Variants in SYNJ2 observed in about 807,000 individuals in gnomAD.
SYNJ2 encodes synaptojanin 2, also known as polyphosphatidylinositol phosphatase SYNJ2.
SYNJ2 carries 116 observed loss-of-function variants against 141.3 expected under a neutral mutation model. That is an observed-to-expected ratio of 0.82 (90% confidence interval 0.71 to 0.96). SYNJ2 has a LOEUF of 0.96. Among genes scored for constraint, SYNJ2 ranks in the 40% least tolerant of loss-of-function variants. SYNJ2 has a pLI of 0.00. For missense variants in SYNJ2, 1,873 were observed against 1,934.8 expected, an observed-to-expected ratio of 0.97 and a Z score of 0.60; for synonymous variants, 745 against 777.7, an observed-to-expected ratio of 0.96 and a Z score of 0.70.
At chr6:157,999,692 T>C (rs1265291211) in intron 1 of SYNJ2, among the ~76,000 whole-genome samples, 1 of 152,094 alleles carries the variant, frequency 6.6e-6, no homozygotes, top group African/African-American at 2.4e-5. Context: ...AGGTGGTGGG[T>C]AAGGCATCCT....
In SYNJ2 at chr6:158,005,668, A is replaced by G. The variant is rs559301374; in HGVS notation, c.128-11536A>G. 4.6e-5 allele frequency among the ~76,000 whole-genome samples: 7 copies of G among 152,182 alleles called. No homozygotes were observed. In the East Asian group the frequency reaches 1.4e-3, roughly 29 times the overall value. ...CCATCAGGTCACAACCCCTGAGCCA[A>G]GGTGGGCCTTTCACTTGCGTTTCTG... On this transcript the variant is annotated intron_variant, in intron 1 of 26. Transcript: ENST00000355585.
At chr6:157,983,870 T>G (rs1562304305) in intron 1 of SYNJ2, among the ~76,000 whole-genome samples, 4 of 152,092 alleles carry the variant, frequency 2.6e-5, no homozygotes, top group South Asian at 2.1e-4. Flanking sequence ...TTCTGTTGCC[T>G]AGGCTGGCAT....
chr6:158,009,256 T>C (rs1245983852), intron 1 of SYNJ2, among the ~76,000 whole-genome samples: 6 of 152,230 alleles, frequency 3.9e-5, no homozygotes, highest in African/African-American at 1.2e-4. Flanking sequence ...TTATCTATCC[T>C]GGCAGGAAGC....
In SYNJ2 at chr6:157,982,283, C is replaced by T. The variant is rs1191100597; in HGVS notation, c.127+195C>T. On this transcript the variant is annotated intron_variant, in intron 1 of 26. Coordinates refer to ENST00000355585, the MANE Select transcript of SYNJ2 (RefSeq NM_003898.4). This position sits in a 1 kb window ranked among gnomAD's most constrained non-coding sequence, Gnocchi z 4.0. The stretch of plus-strand genomic sequence containing the variant: ...ACTCGAGAGAGCACTCTGGCTGGGC[C>T]GGTGGCGCACGGAGGCCGGCCGCCC... Among the ~76,000 whole-genome samples, 1 of 152,168 alleles carries T rather than the reference C, an allele frequency of 6.6e-6. No individual in the cohort carries two copies. Among genetic ancestry groups the T allele is most frequent in the Non-Finnish European group, 1.5e-5 (1 of 68,000 alleles).
chr6:158,000,263 C>A (rs34890455), intron 1 of SYNJ2, among the ~76,000 whole-genome samples: 1 of 152,014 alleles, frequency 6.6e-6, no homozygotes, highest in Non-Finnish European at 1.5e-5. Flanking sequence ...GACAGGGCCT[C>A]TGTACGTAAG....
At chr6:158,047,693 C>A (rs1383813654) in intron 5 of SYNJ2, among the ~76,000 whole-genome samples, 1 of 141,048 alleles carries the variant, frequency 7.1e-6, no homozygotes, top group Non-Finnish European at 1.5e-5. Context: ...AGGAGAATCA[C>A]TTGAACCTGG....
At chr6:158,012,562 A>G (rs1050275009) in intron 1 of SYNJ2, among the ~76,000 whole-genome samples, 1 of 152,270 alleles carries the variant, frequency 6.6e-6, no homozygotes. Context: ...TTCGGAGCAG[A>G]TGCAGACCTG....
In SYNJ2 at chr6:158,081,223, A is replaced by G; in HGVS notation, c.2682A>G (p.Val894=). ...FQGPLDATVV[V]NLQSPTLEEK... ...GCCCCCTGGATGCCACTGTTGTAGTAAACCTTCAATCACCGACCTTAGAAG... is the reference window on the plus strand; with the variant it reads ...GCCCCCTGGATGCCACTGTTGTAGTGAACCTTCAATCACCGACCTTAGAAG... Residue 894 remains valine, a synonymous_variant, in exon 19 of 27, where the codon GTA becomes GTG. Coordinates refer to ENST00000355585, the MANE Select transcript of SYNJ2 (RefSeq NM_003898.4). 6.2e-7 allele frequency: 1 copy of G among 1,614,166 alleles called. No homozygotes were observed. Among genetic ancestry groups the G allele is most frequent in the South Asian group, 1.1e-5 (1 of 91,080 alleles).
rs200437978 is a variant in SYNJ2 at position 158,062,158 on chromosome 6, G to C, written c.1121G>C (p.Ser374Thr). The C allele has an allele frequency of 6.2e-7, 1 of 1,613,132 alleles. No homozygotes were observed. Among genetic ancestry groups the C allele is most frequent in the Non-Finnish European group, 8.5e-7 (1 of 1,179,684 alleles). Reference sequence around the variant, plus strand: ...GTGTTCACAAAGGGGGAGAACGTCAGTCCACGGTGAGGCTCGCTGCGCACT... The same window carrying C: ...GTGTTCACAAAGGGGGAGAACGTCACTCCACGGTGAGGCTCGCTGCGCACT... ...FDVFTKGENV[S>T]PRFQKGTLRM... The change falls in exon 8 of 27, where the codon AGT becomes ACT. Residue 374 changes from serine (S) to threonine (T), a missense_variant. Coordinates refer to ENST00000355585, the MANE Select transcript of SYNJ2 (RefSeq NM_003898.4).
Position 158,036,689 on chromosome 6 carries a change from C to A in SYNJ2, c.711+3009C>A, listed in dbSNP as rs187059151. On this transcript the variant is annotated intron_variant, in intron 4 of 26. Coordinates refer to ENST00000355585, the MANE Select transcript of SYNJ2 (RefSeq NM_003898.4). Reference sequence around the variant, plus strand: ...CTAGTGGGTGCTGCTAGGCTTAATACTGGGTGACAAAATAACCTGTACAAC... The same window carrying A: ...CTAGTGGGTGCTGCTAGGCTTAATAATGGGTGACAAAATAACCTGTACAAC... Among the ~76,000 whole-genome samples, 112 of 152,284 alleles carry A rather than the reference C, an allele frequency of 7.4e-4. 1 individual carries two copies. The highest frequency in any genetic ancestry group is 1.1e-3 in the Non-Finnish European group (72 of 68,020).
intron 23 of SYNJ2, among the ~76,000 whole-genome samples, chr6:158,087,520 C>G (rs909901029): frequency 3.9e-5 from 6 of 152,208 alleles, no homozygotes; most frequent in African/African-American, 1.4e-4. Flanking sequence ...CCGTCCAGCC[C>G]TCCCTGATAA....
intron 8 of SYNJ2, among the ~76,000 whole-genome samples, chr6:158,062,975 A>T (rs1203775956): frequency 2.0e-5 from 3 of 152,138 alleles, no homozygotes; most frequent in Admixed American, 6.5e-5. Context: ...GCACGTTAAG[A>T]TAAGCTTTGT....
chr6:158,072,697 C>T (rs1782010263), intron 15 of SYNJ2, among the ~76,000 whole-genome samples: 2 of 149,426 alleles, frequency 1.3e-5, no homozygotes, highest in Admixed American at 6.7e-5. Context: ...AAAAAAGAAA[C>T]AAACGAGTTG....
At chr6:158,044,241 A>AG (rs1406193745) in intron 5 of SYNJ2, among the ~76,000 whole-genome samples, 3 of 152,134 alleles carry the variant, frequency 2.0e-5, no homozygotes, top group African/African-American at 7.2e-5. Context: ...GCCAGGTTCC[A>AG]GGGGGTGTTT....
intron 22 of SYNJ2, among the ~76,000 whole-genome samples, chr6:158,086,334 C>T (rs916662738): frequency 1.3e-5 from 2 of 152,154 alleles, no homozygotes; most frequent in African/African-American, 4.8e-5. Flanking sequence ...GTCAAGATGG[C>T]AGACCCTTGG....
chr6:158,012,087 C>T (rs1455878721), intron 1 of SYNJ2, among the ~76,000 whole-genome samples: 2 of 152,150 alleles, frequency 1.3e-5, no homozygotes, highest in Admixed American at 6.5e-5. Flanking sequence ...TCATAGGCCA[C>T]CTCCCAGGAG....
At chr6:158,005,709 C>A (rs1262022213) in intron 1 of SYNJ2, among the ~76,000 whole-genome samples, 2 of 152,082 alleles carry the variant, frequency 1.3e-5, no homozygotes, top group African/African-American at 4.8e-5. Context: ...TGTCCACTCC[C>A]CCACCCTCCC....
intron 4 of SYNJ2, among the ~76,000 whole-genome samples, chr6:158,037,182 T>A (rs1779680850): frequency 6.6e-6 from 1 of 152,130 alleles, no homozygotes; most frequent in Non-Finnish European, 1.5e-5. Context: ...ACTGGAAGTC[T>A]GCAATCCAGG....
At chr6:158,022,792 C>T (rs1311676885) in intron 2 of SYNJ2, among the ~76,000 whole-genome samples, 1 of 152,218 alleles carries the variant, frequency 6.6e-6, no homozygotes, top group Non-Finnish European at 1.5e-5. Flanking sequence ...AGAATTGATC[C>T]TGCCTCACAA....
Sources: gnomAD v4.1 joint callset for allele counts (sites outside exome capture counted in the v4.1 genomes callset) on GRCh38, gnomAD v4.1.1 for gene constraint, Gnocchi (gnomAD v3.1) non-coding constraint, MANE v1.5 for transcripts, NCBI Gene and HGNC (gene_info 2026-07-23, HGNC 2026-07-21) for gene names.